The following SRGAP2 variants were observed in gnomAD, a reference collection of about 807,000 sequenced individuals.
The protein encoded by SRGAP2 is SLIT-ROBO Rho GTPase-activating protein 2.
SRGAP2 carries 15 observed loss-of-function variants against 57.2 expected under a neutral mutation model. That is an observed-to-expected ratio of 0.26 (90% confidence interval 0.18 to 0.40). The LOEUF is 0.40. Ranked by LOEUF, SRGAP2 falls within the 10% of genes least tolerant of loss-of-function variation. The pLI is 1.00. For synonymous variants in SRGAP2, 249 were observed against 248.0 expected (o/e 1.00, Z -0.04); for missense variants, 520 against 669.6 (o/e 0.78, Z 2.47).
intron 2 of SRGAP2, among the ~76,000 whole-genome samples, chr1:206,239,135 T>C (rs1553308569): frequency 6.7e-6 from 1 of 149,132 alleles, no homozygotes; most frequent in African/African-American, 2.5e-5. Flanking sequence ...ACAAACCCAC[T>C]CACTGCCAGA....
At position 206,228,304 on chromosome 1, in the gene SRGAP2, A is replaced by G. The variant is rs1380949858; in HGVS notation, c.67+22267A>G. Among the ~76,000 whole-genome samples, 11 of 145,516 alleles carry G rather than the reference A, an allele frequency of 7.6e-5. No homozygotes were observed. In the East Asian group the frequency reaches 7.9e-4, roughly 10 times the overall value. The stretch of plus-strand genomic sequence containing the variant: ...TTCACATACGGTACTTGATATCTCA[A>G]TTACATTAGAGGCTAAGACAGTTTT... On this transcript the variant is annotated intron_variant, in intron 2 of 22. Coordinates refer to ENST00000573034, the MANE Select transcript of SRGAP2 (RefSeq NM_015326.5).
intron 16 of SRGAP2, among the ~76,000 whole-genome samples, chr1:206,439,331 A>G (rs563774311): frequency 6.6e-6 from 1 of 152,068 alleles, no homozygotes; most frequent in Non-Finnish European, 1.5e-5. Flanking sequence ...CAATATCACT[A>G]CATACCCAGG....
At chr1:206,311,692 C>T (rs879995150) in intron 3 of SRGAP2, among the ~76,000 whole-genome samples, 911 of 144,798 alleles carry the variant, frequency 6.3e-3, no homozygotes, top group African/African-American at 0.025. Flanking sequence ...CGACAGGGTT[C>T]GGGCTTTATT....
intron 19 of SRGAP2, among the ~76,000 whole-genome samples, chr1:206,451,139 A>T (rs1380274109): frequency 6.6e-6 from 1 of 150,502 alleles, no homozygotes; most frequent in Admixed American, 6.6e-5. Flanking sequence ...AAAAAAAAAA[A>T]GTAAGCCTGG....
At chr1:206,375,696 G>A (rs1655134854) in intron 4 of SRGAP2, among the ~76,000 whole-genome samples, 1 of 151,952 alleles carries the variant, frequency 6.6e-6, no homozygotes, top group African/African-American at 2.4e-5. Context: ...ACCCCACCCT[G>A]AACTCCCCTG....
chr1:206,440,035 A>C lies in SRGAP2; in HGVS notation c.1828A>C (p.Lys610Gln). 1 of 780,910 alleles carries C rather than the reference A, an allele frequency of 1.3e-6. No homozygotes were observed. 48.4% of individuals were successfully genotyped at this position (780,910 alleles called of 1,614,324 possible). Residue 610 changes from lysine (K) to glutamine (Q), a missense_variant, in exon 17 of 23, where the codon AAA becomes CAA. By Grantham distance (53) the Lys-to-Gln change is moderately conservative (BLOSUM62 1). This residue lies in a region of SRGAP2 where 478 missense variants were observed against 373.6 expected (regional missense o/e 1.28). Coordinates refer to ENST00000573034, the MANE Select transcript of SRGAP2 (RefSeq NM_015326.5). ...CCGGAAAGTCCTCCTAGTCCTGCCC[A>C]AAACCACTCTGATTATCATGAGATA... ...HIRKVLLVLPKTTLIIMRYLF... is the reference protein window; with the variant it reads ...HIRKVLLVLPQTTLIIMRYLF...
At chr1:206,298,369 G>A (rs1311079007) in intron 2 of SRGAP2, among the ~76,000 whole-genome samples, 1 of 152,212 alleles carries the variant, frequency 6.6e-6, no homozygotes, top group African/African-American at 2.4e-5. Context: ...CATACACACA[G>A]GGAAATGGAA....
At chr1:206,292,621 G>A (rs1571776766) in intron 2 of SRGAP2, among the ~76,000 whole-genome samples, 1 of 147,906 alleles carries the variant, frequency 6.8e-6, no homozygotes, top group Non-Finnish European at 1.5e-5. Flanking sequence ...TGACACTTTT[G>A]TACATCTCTC....
At chr1:206,329,854 T>C (rs1484921327) in intron 3 of SRGAP2, among the ~76,000 whole-genome samples, 2 of 140,064 alleles carry the variant, frequency 1.4e-5, no homozygotes, top group African/African-American at 5.3e-5. Context: ...TGAATAGGAG[T>C]GGTGAGAGAG....
chr1:206,206,386 G>A (rs1665918137), intron 2 of SRGAP2: 1 of 228,148 alleles, frequency 4.4e-6, no homozygotes, highest in South Asian at 8.6e-5. Context: ...TTCCTTGAAA[G>A]ACAACTGAAA....
chr1:206,458,489 C>T (rs925758535), intron 21 of SRGAP2, 134 bp from the exon 22 acceptor site: 10 of 713,576 alleles, frequency 1.4e-5, no homozygotes, highest in African/African-American at 8.8e-5. Flanking sequence ...AAGATGAAGC[C>T]GAGGAGAGAA....
At chr1:206,425,565 C>T (rs754998167) in intron 13 of SRGAP2, among the ~76,000 whole-genome samples, 4 of 152,172 alleles carry the variant, frequency 2.6e-5, no homozygotes, top group South Asian at 2.1e-4. Flanking sequence ...GACAGGGTCT[C>T]GTTCTGTTGC....
chr1:206,397,671 G>A (rs1272514322), intron 7 of SRGAP2, among the ~76,000 whole-genome samples: 3 of 146,754 alleles, frequency 2.0e-5, no homozygotes, highest in African/African-American at 5.4e-5. Context: ...GAGCTCATTT[G>A]ATGGCATCTA....
At position 206,245,161 on chromosome 1, in the gene SRGAP2, G is replaced by A. The variant is rs552526713; in HGVS notation, c.67+39124G>A. Reference sequence around the variant, plus strand: ...CTGTGGAAGTGGTAACCATGTCAGAGCCAGGCCCTGGAGACCTGGCTTGGA... The same window carrying A: ...CTGTGGAAGTGGTAACCATGTCAGAACCAGGCCCTGGAGACCTGGCTTGGA... On this transcript the variant is annotated intron_variant, in intron 2 of 22. Transcript: ENST00000573034. 7.5e-3 allele frequency among the ~76,000 whole-genome samples: 1,020 copies of A among 135,194 alleles called. 15 individuals carry two copies. Among genetic ancestry groups the A allele is most frequent in the African/African-American group, 0.028 (982 of 35,508 alleles). 88.7% of individuals were successfully genotyped at this position (135,194 alleles called of 152,430 possible).
intron 12 of SRGAP2, 41 bp from the exon 13 acceptor site, chr1:206,421,209 T>C (rs1553364184): frequency 3.9e-6 from 3 of 768,688 alleles, no homozygotes. Context: ...TCTCCCTTGT[T>C]GCTGGATTGG....
chr1:206,454,647 C>A lies in SRGAP2; in HGVS notation c.2361-231C>A, dbSNP rs1370044686. The A allele has an allele frequency of 7.9e-6, 4 of 507,586 alleles. No individual in the cohort carries two copies. The highest frequency in any genetic ancestry group is 3.7e-5 in the Admixed American group (1 of 26,866). 31.4% of individuals were successfully genotyped at this position (507,586 alleles called of 1,614,324 possible). On this transcript the variant is annotated intron_variant, in intron 20 of 22. Transcript: ENST00000573034. This position sits in a 1 kb window ranked among gnomAD's most constrained non-coding sequence, Gnocchi z 4.3. Reference sequence around the variant, plus strand: ...CCCCTAGCCACGCTTTCCTGAGGAGCTGAGGAGCCCGCAGAACTCAGCGGA... The same window carrying A: ...CCCCTAGCCACGCTTTCCTGAGGAGATGAGGAGCCCGCAGAACTCAGCGGA...
intron 2 of SRGAP2, among the ~76,000 whole-genome samples, chr1:206,286,178 G>T (rs1460915460): frequency 6.7e-6 from 1 of 149,390 alleles, no homozygotes; most frequent in South Asian, 2.1e-4. Flanking sequence ...TTCTAAAGAG[G>T]TTTCATTAAT....
chr1:206,357,387 C>A (rs745974439), intron 4 of SRGAP2, among the ~76,000 whole-genome samples: 1 of 150,984 alleles, frequency 6.6e-6, no homozygotes, highest in Non-Finnish European at 1.5e-5. Context: ...CTTTTTTATA[C>A]ACATTTTTTT....
chr1:206,203,940 C>T (rs529056440), intron 1 of SRGAP2: 1 of 1,480,042 alleles, frequency 6.8e-7, no homozygotes. Context: ...GCCGCCTCTC[C>T]CTTTCCTCCG....
Sources: allele counts gnomAD v4.1 joint callset (sites outside exome capture counted in the v4.1 genomes callset), GRCh38; gene constraint gnomAD v4.1.1; regional missense constraint gnomAD v4.1.1; non-coding constraint Gnocchi (gnomAD v3.1); transcripts MANE v1.5; gene names NCBI Gene and HGNC (gene_info 2026-07-23, HGNC 2026-07-21).